CABLES1: variants seen among roughly 807,000 people sequenced by gnomAD.
CABLES1 encodes the protein Cdk5 and Abl enzyme substrate 1.
In CABLES1, 36 loss-of-function variants were observed where a neutral mutation model predicts 57.8. The ratio of observed to expected loss-of-function variants is 0.62; its 90% CI spans 0.48 to 0.82. CABLES1 has a LOEUF of 0.82. CABLES1 is among the 40% of genes least tolerant of loss of function. CABLES1 has a pLI of 0.00. For missense variants in CABLES1, 767 were observed against 836.6 expected (o/e 0.92, Z 1.03); for synonymous variants, 374 against 363.0 (o/e 1.03, Z -0.35).
intron 4 of CABLES1, among the ~76,000 whole-genome samples, chr18:23,216,098 C>T (rs1325623099): frequency 6.6e-6 from 1 of 152,196 alleles, no homozygotes; most frequent in African/African-American, 2.4e-5. Context: ...GTCAAGCAAT[C>T]CTTGAATCTT....
intron 9 of CABLES1, among the ~76,000 whole-genome samples, chr18:23,256,535 C>T (rs756847419): frequency 7.9e-5 from 12 of 152,048 alleles, no homozygotes; most frequent in South Asian, 2.1e-4. Flanking sequence ...GGCTGGAGTT[C>T]GGTGGCACAA....
chr18:23,141,054 C>T (rs1188065941), intron 1 of CABLES1, among the ~76,000 whole-genome samples: 1 of 152,222 alleles, frequency 6.6e-6, no homozygotes, highest in Non-Finnish European at 1.5e-5. Flanking sequence ...CACTTAATCT[C>T]TTAAAAGCAG....
chr18:23,219,747 A>C (rs2047472467), intron 4 of CABLES1, among the ~76,000 whole-genome samples: 1 of 152,204 alleles, frequency 6.6e-6, no homozygotes, highest in Non-Finnish European at 1.5e-5. Flanking sequence ...TGAGTGCAAA[A>C]GGTTGTTCTC....
intron 2 of CABLES1, among the ~76,000 whole-genome samples, chr18:23,193,871 A>AAAAAC (rs535319001): frequency 6.6e-6 from 1 of 151,914 alleles, no homozygotes; most frequent in Non-Finnish European, 1.5e-5. Context: ...AATTTATCTT[A>AAAAAC]AAAACAAAAC....
intron 1 of CABLES1, among the ~76,000 whole-genome samples, chr18:23,174,723 T>C (rs568693091): frequency 1.6e-4 from 24 of 150,470 alleles, no homozygotes; most frequent in East Asian, 2.0e-4. Flanking sequence ...CCGCCCACCT[T>C]GGCCTCCCAA....
chr18:23,141,777 C>T (rs1046532918), intron 1 of CABLES1, among the ~76,000 whole-genome samples: 1 of 152,202 alleles, frequency 6.6e-6, no homozygotes, highest in Non-Finnish European at 1.5e-5. Context: ...AGCTTTTGCT[C>T]TCTGAATGGG....
At position 23,257,393 on chromosome 18, in the gene CABLES1, C is replaced by T. The variant is rs756196934; in HGVS notation, c.*26C>T. ...CACTGGCCCCGAGGACAGCCAAGGG[C>T]CATTTCTTCTCAGCTTGGTGGAGCA... On this transcript the variant is annotated 3_prime_UTR_variant, in exon 10 of 10. Transcript: ENST00000256925. The T allele has an allele frequency of 6.4e-7, 1 of 1,563,658 alleles. No individual in the cohort carries two copies. Among genetic ancestry groups the T allele is most frequent in the Non-Finnish European group, 8.6e-7 (1 of 1,160,690 alleles).
rs2046815631 is a variant in CABLES1 at position 23,135,911 on chromosome 18, A to G, written c.149A>G (p.Glu50Gly). The G allele has an allele frequency of 9.2e-7, 1 of 1,085,830 alleles. No individual in the cohort carries two copies. The highest frequency in any genetic ancestry group is 1.1e-6 in the Non-Finnish European group (1 of 898,914). The allele number at this position is 1,085,830 out of a possible 1,614,324, so 67.3% of individuals were successfully genotyped here. A position where few individuals can be genotyped will look rare whatever the true frequency, so the allele number is the denominator to read the frequency against. ...GCCGCGCCGGCCCAGCCGCCGCCCG[A>G]ACCCCCCCGGAAGCCGCGCATGGAC... ...AAAAPAQPPPEPPRKPRMDPR... is the reference protein window; with the variant it reads ...AAAAPAQPPPGPPRKPRMDPR... Residue 50 changes from glutamate to glycine, a missense_variant, in exon 1 of 10, where the codon GAA (glutamate) becomes GGA (glycine). Coordinates refer to ENST00000256925, the MANE Select transcript of CABLES1 (RefSeq NM_001100619.3).
In CABLES1 at chr18:23,196,355, G is replaced by T. The variant is rs543136610; in HGVS notation, c.1010+1815G>T. 1.5e-4 allele frequency among the ~76,000 whole-genome samples: 23 copies of T among 152,290 alleles called. No homozygotes were observed. The East Asian group carries it at 4.4e-3, about 29-fold the overall frequency. On this transcript the variant is annotated intron_variant, in intron 3 of 9. Coordinates refer to ENST00000256925, the MANE Select transcript of CABLES1 (RefSeq NM_001100619.3). ...CGGGTCGTATGCCCAGGTGAGAGCT[G>T]GTTTTCTTGTGCAAAGGGCAGATGA... is the stretch of plus-strand genomic sequence containing the variant.
In CABLES1 at chr18:23,223,426, A is replaced by C. The variant is rs1325062094; in HGVS notation, c.1088+9372A>C. On this transcript the variant is annotated intron_variant, in intron 4 of 9. Transcript: ENST00000256925. ...AACCCCGTCTCTACTAAAATACAAA[A>C]AATTAGCCGGACGTACTGGCAGGCG... is the stretch of plus-strand genomic sequence containing the variant. Among the ~76,000 whole-genome samples, 3 of 151,836 alleles carry C rather than the reference A, an allele frequency of 2.0e-5. No individual in the cohort carries two copies. In the East Asian group the frequency reaches 5.8e-4, roughly 29 times the overall value.
chr18:23,250,510 C>T (rs1157517607), intron 7 of CABLES1, among the ~76,000 whole-genome samples: 6 of 152,184 alleles, frequency 3.9e-5, no homozygotes, highest in Non-Finnish European at 7.3e-5. Context: ...AGATTTAACC[C>T]AGAGGAGACA....
At chr18:23,253,559 A>G (rs943706023) in intron 8 of CABLES1, among the ~76,000 whole-genome samples, 170 bp from the exon 9 acceptor site, 3 of 152,206 alleles carry the variant, frequency 2.0e-5, no homozygotes, top group African/African-American at 7.2e-5. Flanking sequence ...AGCTATGTAA[A>G]TCTGCTCCCC....
At chr18:23,214,738 C>T (rs2047429716) in intron 4 of CABLES1, 1 of 152,314 alleles carries the variant, frequency 6.6e-6, no homozygotes, top group Non-Finnish European at 1.5e-5. Context: ...GAAGTCAGGA[C>T]AGTTCACTGC....
intron 1 of CABLES1, among the ~76,000 whole-genome samples, chr18:23,142,178 A>G (rs1460393929): frequency 6.6e-6 from 1 of 152,216 alleles, no homozygotes; most frequent in Non-Finnish European, 1.5e-5. Flanking sequence ...GGTACAAAGT[A>G]GCATTAAGTT....
chr18:23,154,883 C>T (rs182349594), intron 1 of CABLES1, among the ~76,000 whole-genome samples: 1 of 152,338 alleles, frequency 6.6e-6, no homozygotes. Flanking sequence ...CTGTTCAACA[C>T]TTGCACTGTC....
Position 23,136,365 on chromosome 18 carries a change from G to A in CABLES1, c.603G>A (p.Gly201=). ...CAQLQLLDGS[G]AAGQEELEED... ...AACTGCAGCTGCTCGACGGGTCCGG[G>A]GCCGCCGGGCAGGAGGAGTTGGAGG... Residue 201 remains glycine, a synonymous_variant, in exon 1 of 10, where the codon GGG becomes GGA. Coordinates refer to ENST00000256925, the MANE Select transcript of CABLES1 (RefSeq NM_001100619.3). 6.6e-7 allele frequency: 1 copy of A among 1,520,372 alleles called. No homozygotes were observed. The highest frequency in any genetic ancestry group is 1.2e-5 in the South Asian group (1 of 80,306). The allele number at this position is 1,520,372 out of a possible 1,614,324, so 94.2% of individuals were successfully genotyped here.
intron 4 of CABLES1, among the ~76,000 whole-genome samples, chr18:23,216,688 A>C (rs2047444575): frequency 6.6e-6 from 1 of 152,244 alleles, no homozygotes; most frequent in African/African-American, 2.4e-5. Flanking sequence ...CATTTCTGCA[A>C]AGCCATTAGG....
intron 1 of CABLES1, among the ~76,000 whole-genome samples, chr18:23,138,360 C>T (rs763260870): frequency 6.6e-6 from 1 of 152,158 alleles, no homozygotes; most frequent in Non-Finnish European, 1.5e-5. Flanking sequence ...CTTTTCACCT[C>T]GGCACACACA....
At chr18:23,243,287 C>T (rs1821818578) in intron 7 of CABLES1, among the ~76,000 whole-genome samples, 1 of 151,898 alleles carries the variant, frequency 6.6e-6, no homozygotes, top group South Asian at 2.1e-4. Flanking sequence ...AGCACAGTAG[C>T]TCCGCACTTC....
Sources: allele counts gnomAD v4.1 joint callset (sites outside exome capture counted in the v4.1 genomes callset), GRCh38; gene constraint gnomAD v4.1.1; transcripts MANE v1.5; gene names NCBI Gene and HGNC (gene_info 2026-07-23, HGNC 2026-07-21).